Variants in RCOR1 observed in about 807,000 individuals in gnomAD.
RCOR1 encodes REST corepressor.
A neutral mutation model predicts 64.0 loss-of-function variants in RCOR1; 12 were observed. The ratio of observed to expected loss-of-function variants is 0.19; its 90% CI spans 0.12 to 0.30. The LOEUF (loss-of-function observed/expected upper bound fraction) is 0.30. RCOR1 is among the 10% of genes least tolerant of loss of function. The pLI is 1.00. For missense variants in RCOR1, 502 were observed against 621.2 expected (o/e 0.81, Z 2.04); for synonymous variants, 279 against 227.2 (o/e 1.23, Z -2.05).
At chr14:102,660,129 T>C (rs1284889739) in intron 2 of RCOR1, among the ~76,000 whole-genome samples, 1 of 152,220 alleles carries the variant, frequency 6.6e-6, no homozygotes, top group East Asian at 1.9e-4. Flanking sequence ...TTCCAGTGTA[T>C]TTAAATTTTG....
intron 2 of RCOR1, 59 bp downstream of exon 2, chr14:102,593,384 C>A: frequency 2.8e-6 from 4 of 1,444,288 alleles, no homozygotes; most frequent in South Asian, 1.4e-5. Flanking sequence ...GGGTCCCCGG[C>A]GAGCCCGAGG....
At chr14:102,724,939 A>G (rs1201713909) in intron 11 of RCOR1, among the ~76,000 whole-genome samples, 1 of 152,234 alleles carries the variant, frequency 6.6e-6, no homozygotes, top group East Asian at 1.9e-4. Flanking sequence ...TATTATGCAG[A>G]AGCCACAGGG....
intron 2 of RCOR1, among the ~76,000 whole-genome samples, chr14:102,641,744 T>G (rs1392014089): frequency 6.6e-6 from 1 of 152,218 alleles, no homozygotes; most frequent in Non-Finnish European, 1.5e-5. Context: ...AGGTTTAATA[T>G]TTCTTGCCCA....
At chr14:102,693,827 T>C (rs1327879247) in intron 3 of RCOR1, among the ~76,000 whole-genome samples, 3 of 152,214 alleles carry the variant, frequency 2.0e-5, no homozygotes, top group African/African-American at 7.2e-5. Flanking sequence ...TCGTCTTTTA[T>C]CTTTTATCCA....
chr14:102,645,868 G>T (rs1894468915), intron 2 of RCOR1, among the ~76,000 whole-genome samples: 1 of 152,178 alleles, frequency 6.6e-6, no homozygotes, highest in Admixed American at 6.5e-5. Flanking sequence ...AGAGGGCCGA[G>T]CTGAGCCGCC....
intron 8 of RCOR1, among the ~76,000 whole-genome samples, chr14:102,719,299 C>G (rs1461672301): frequency 6.6e-6 from 1 of 152,086 alleles, no homozygotes; most frequent in African/African-American, 2.4e-5. Context: ...ATGTGCACAA[C>G]GTGCAGGTTT....
At chr14:102,675,084 CAA>C (rs1047997682) in intron 2 of RCOR1, among the ~76,000 whole-genome samples, 4 of 134,156 alleles carry the variant, frequency 3.0e-5, no homozygotes, top group African/African-American at 5.6e-5. Flanking sequence ...CAACTTTAAA[CAA>C]AGAGACCTGC....
At chr14:102,704,196 A>G (rs1895804646) in intron 4 of RCOR1, among the ~76,000 whole-genome samples, 1 of 152,196 alleles carries the variant, frequency 6.6e-6, no homozygotes, top group Non-Finnish European at 1.5e-5. Flanking sequence ...GCTTGACCCC[A>G]GGACCCAATC....
chr14:102,617,473 A>G (rs1165767185), intron 2 of RCOR1, among the ~76,000 whole-genome samples: 1 of 151,750 alleles, frequency 6.6e-6, no homozygotes, highest in East Asian at 2.0e-4. Context: ...GCTGGGCATG[A>G]TGGCATGGGG....
intron 2 of RCOR1, among the ~76,000 whole-genome samples, chr14:102,673,334 ATTT>A (rs34576884): frequency 3.1e-5 from 4 of 127,524 alleles, no homozygotes; most frequent in Non-Finnish European, 1.7e-5. Context: ...CCAATCCCTG[ATTT>A]TTTTTTTTTT....
chr14:102,652,542 C>G (rs1336115097), intron 2 of RCOR1, among the ~76,000 whole-genome samples: 1 of 152,092 alleles, frequency 6.6e-6, no homozygotes, highest in Non-Finnish European at 1.5e-5. Flanking sequence ...TCTGCTTGTT[C>G]TTCTGAACAG....
intron 2 of RCOR1, among the ~76,000 whole-genome samples, chr14:102,644,174 C>T (rs187853090): frequency 1.8e-3 from 271 of 152,310 alleles, no homozygotes; most frequent in Middle Eastern, 3.4e-3. Flanking sequence ...TCAGCATGGG[C>T]TGATTTGTGC....
intron 2 of RCOR1, among the ~76,000 whole-genome samples, chr14:102,602,237 G>A (rs919192356): frequency 6.6e-6 from 1 of 151,712 alleles, no homozygotes; most frequent in African/African-American, 2.4e-5. Context: ...TGCTATTCAT[G>A]TACTTTTATG....
intron 2 of RCOR1, among the ~76,000 whole-genome samples, chr14:102,676,756 C>A (rs1347014727): frequency 2.8e-4 from 26 of 94,424 alleles, no homozygotes; most frequent in African/African-American, 1.0e-3. Flanking sequence ...CCCTCCCGGA[C>A]GGGGCGGCTG....
At chr14:102,630,829 T>G (rs1466472912) in intron 2 of RCOR1, among the ~76,000 whole-genome samples, 1 of 152,148 alleles carries the variant, frequency 6.6e-6, no homozygotes, top group Non-Finnish European at 1.5e-5. Flanking sequence ...TTAAAACAAC[T>G]GCTGGTATTT....
chr14:102,699,330 C>T (rs1350878575), intron 3 of RCOR1, among the ~76,000 whole-genome samples: 3 of 152,096 alleles, frequency 2.0e-5, no homozygotes, highest in East Asian at 1.9e-4. Flanking sequence ...AATATTAAAT[C>T]GGAAATTAGT....
At chr14:102,656,929 C>T (rs1159875352) in intron 2 of RCOR1, 1 of 195,136 alleles carries the variant, frequency 5.1e-6, no homozygotes, top group Non-Finnish European at 9.3e-6. Flanking sequence ...GCATACACCA[C>T]CATGCATGGC....
At chr14:102,699,970 A>G (rs1175144876) in intron 3 of RCOR1, among the ~76,000 whole-genome samples, 2 of 152,106 alleles carry the variant, frequency 1.3e-5, no homozygotes, top group African/African-American at 4.8e-5. Flanking sequence ...GGTATTTTCC[A>G]TGGTTCTTGA....
chr14:102,712,585 C>T (rs1303635061), intron 7 of RCOR1, among the ~76,000 whole-genome samples: 1 of 150,712 alleles, frequency 6.6e-6, no homozygotes, highest in Admixed American at 6.6e-5. Context: ...ACTATCTGTG[C>T]TCATAGATTT....
Sources: gnomAD v4.1 joint callset for allele counts (sites outside exome capture counted in the v4.1 genomes callset) on GRCh38, gnomAD v4.1.1 for gene constraint, MANE v1.5 for transcripts, NCBI Gene and HGNC (gene_info 2026-07-23, HGNC 2026-07-21) for gene names.